Variants in AFF1 observed in about 807,000 individuals in gnomAD.
The protein encoded by AFF1 is AF4/FMR2 family member 1.
A neutral mutation model predicts 121.7 loss-of-function variants in AFF1; 48 were observed. The ratio of observed to expected loss-of-function variants is 0.39; its 90% CI spans 0.31 to 0.50. The LOEUF (loss-of-function observed/expected upper bound fraction) is 0.50, where lower values mean the gene tolerates loss of function less well. Among genes scored for constraint, AFF1 ranks in the 20% least tolerant of loss-of-function variants. The pLI is 0.76. For missense variants in AFF1, 1,523 were observed against 1,511.7 expected (o/e 1.01, Z -0.12); for synonymous variants, 613 against 563.0 (o/e 1.09, Z -1.26).
intron 2 of AFF1, among the ~76,000 whole-genome samples, chr4:87,028,657 G>C (rs1270028323): frequency 6.6e-6 from 1 of 152,128 alleles, no homozygotes; most frequent in East Asian, 1.9e-4. Context: ...GTTGTCTCTT[G>C]CTGAGAATTA....
intron 2 of AFF1, among the ~76,000 whole-genome samples, chr4:86,995,205 C>T (rs902754941): frequency 1.3e-5 from 2 of 152,030 alleles, no homozygotes; most frequent in Non-Finnish European, 2.9e-5. Flanking sequence ...TGCACTTCAG[C>T]CTGGGCAACA....
Position 87,114,354 on chromosome 4 carries a change from T to C in AFF1, c.1534-13T>C. The C allele has an allele frequency of 1.3e-6, 2 of 1,576,030 alleles. No homozygotes were observed. The highest frequency in any genetic ancestry group is 1.7e-6 in the Non-Finnish European group (2 of 1,168,424). On this transcript the variant is annotated splice_polypyrimidine_tract_variant and intron_variant, in intron 11 of 20. Coordinates refer to ENST00000395146, the MANE Select transcript of AFF1 (RefSeq NM_001166693.3). ...TGGTCAGTTAACACTTTTCTTTCTT[T>C]CCTTATTTTTAGCCTGAGCCTCCAA... is the stretch of plus-strand genomic sequence containing the variant.
At chr4:87,050,864 A>G (rs1336467504) in intron 4 of AFF1, among the ~76,000 whole-genome samples, 5 of 152,178 alleles carry the variant, frequency 3.3e-5, no homozygotes, top group South Asian at 2.1e-4. Flanking sequence ...AGATTTCTTT[A>G]TATCGTTCTT....
chr4:87,059,561 T>C (rs936953355), intron 4 of AFF1, among the ~76,000 whole-genome samples: 1 of 152,368 alleles, frequency 6.6e-6, no homozygotes. Context: ...TTATTTCACA[T>C]GAGTGATTTG....
chr4:86,966,341 C>T (rs1722540074), intron 2 of AFF1, among the ~76,000 whole-genome samples: 1 of 151,910 alleles, frequency 6.6e-6, no homozygotes. Flanking sequence ...CTGATGAGGC[C>T]CTCTCAATTT....
intron 2 of AFF1, among the ~76,000 whole-genome samples, chr4:86,957,062 A>G (rs754704167): frequency 8.5e-5 from 13 of 152,096 alleles, no homozygotes; most frequent in Non-Finnish European, 1.8e-4. Flanking sequence ...TTGGAGGAGA[A>G]TGAATTAATA....
chr4:87,009,398 T>C (rs1050847226), intron 2 of AFF1, among the ~76,000 whole-genome samples: 1 of 152,236 alleles, frequency 6.6e-6, no homozygotes, highest in Non-Finnish European at 1.5e-5. Flanking sequence ...GTACAAAGAA[T>C]GATTCCTGCT....
intron 2 of AFF1, among the ~76,000 whole-genome samples, chr4:87,039,730 C>T (rs1457624648): frequency 6.6e-6 from 1 of 152,126 alleles, no homozygotes; most frequent in Admixed American, 6.5e-5. Context: ...AGTATATGAT[C>T]TGAAGGCAAG....
At chr4:87,001,838 C>G (rs1203168619) in intron 2 of AFF1, among the ~76,000 whole-genome samples, 3 of 152,190 alleles carry the variant, frequency 2.0e-5, no homozygotes, top group African/African-American at 7.2e-5. Context: ...CCTCCCTCTT[C>G]CTGTGTCTGC....
chr4:87,072,513 ATTAT>A (rs1023016101), intron 4 of AFF1, among the ~76,000 whole-genome samples: 35 of 151,704 alleles, frequency 2.3e-4, no homozygotes, highest in Middle Eastern at 6.8e-3. Context: ...GTATTTATTT[ATTAT>A]TTATTTTTAT....
intron 1 of AFF1, among the ~76,000 whole-genome samples, chr4:86,940,967 A>G (rs1015450535): frequency 6.6e-6 from 1 of 151,958 alleles, no homozygotes; most frequent in African/African-American, 2.4e-5. Flanking sequence ...GGACACCTGT[A>G]ATCCCAGCTA....
intron 2 of AFF1, among the ~76,000 whole-genome samples, chr4:86,970,627 A>C (rs1239844245): frequency 1.3e-5 from 2 of 152,214 alleles, no homozygotes; most frequent in Admixed American, 6.5e-5. Context: ...ATAAACATGA[A>C]TCATATCAGG....
chr4:87,016,149 C>G (rs1250814410), intron 2 of AFF1, among the ~76,000 whole-genome samples: 1 of 151,894 alleles, frequency 6.6e-6, no homozygotes, highest in Non-Finnish European at 1.5e-5. Context: ...CCGTTGCACT[C>G]CAGCCTGGGC....
chr4:87,119,293 ACCTGGCTGGG>A (rs1727434432), intron 12 of AFF1, among the ~76,000 whole-genome samples: 1 of 152,104 alleles, frequency 6.6e-6, no homozygotes, highest in East Asian at 1.9e-4. Flanking sequence ...CTAAAAATGT[ACCTGGCTGGG>A]CACAGTGGCT....
chr4:87,095,038 T>TG, intron 8 of AFF1, 69 bp downstream of exon 8: 1 of 1,430,102 alleles, frequency 7.0e-7, no homozygotes, highest in South Asian at 1.2e-5. Context: ...GTCAATGCAT[T>TG]GCTTAGATTT....
Position 87,114,642 on chromosome 4 carries a change from A to G in AFF1, c.1809A>G (p.Gln603=), listed in dbSNP as rs763132178. Reference sequence around the variant, plus strand: ...CTCCGGCACAGCAGGAGCCCCCACAAAGGCAAACCGTTGGAACCAAACAAC... The same window carrying G: ...CTCCGGCACAGCAGGAGCCCCCACAGAGGCAAACCGTTGGAACCAAACAAC... ...QKSPAQQEPP[Q]RQTVGTKQPK... The change falls in exon 12 of 21, where the codon CAA becomes CAG. Residue 603 remains glutamine (Q), a synonymous_variant. Transcript: ENST00000395146. The G allele has an allele frequency of 1.3e-6, 2 of 1,592,920 alleles. No individual in the cohort carries two copies. Among genetic ancestry groups the G allele is most frequent in the South Asian group, 2.2e-5 (2 of 90,570 alleles).
intron 4 of AFF1, among the ~76,000 whole-genome samples, chr4:87,061,394 G>A (rs556237569): frequency 1.1e-4 from 17 of 152,178 alleles, no homozygotes; most frequent in Admixed American, 2.0e-4. Context: ...CACAACAGGA[G>A]ATTCTTCTCT....
chr4:86,936,439 T>A (rs1447993), intron 1 of AFF1: 37,958 of 152,138 alleles, frequency 0.25, 5,200 homozygotes, highest in African/African-American at 0.37. Context: ...ATTTTGCTTG[T>A]GCAAGATTAT....
At chr4:86,997,761 CAA>C (rs11368694) in intron 2 of AFF1, among the ~76,000 whole-genome samples, 1 of 131,806 alleles carries the variant, frequency 7.6e-6, no homozygotes, top group African/African-American at 2.9e-5. Context: ...GACTCCATCT[CAA>C]AAAAAAAAAA....
Sources: gnomAD v4.1 joint callset for allele counts (sites outside exome capture counted in the v4.1 genomes callset) on GRCh38, gnomAD v4.1.1 for gene constraint, MANE v1.5 for transcripts, NCBI Gene and HGNC (gene_info 2026-07-23, HGNC 2026-07-21) for gene names.